KCNH1: variants seen among roughly 807,000 people sequenced by gnomAD.
KCNH1 encodes voltage-gated delayed rectifier potassium channel KCNH1.
In KCNH1, 27 loss-of-function variants were observed where a neutral mutation model predicts 69.2. The ratio of observed to expected loss-of-function variants is 0.39; its 90% CI spans 0.29 to 0.54. The LOEUF (loss-of-function observed/expected upper bound fraction) is 0.54. Ranked by LOEUF, KCNH1 falls within the 20% of genes least tolerant of loss-of-function variation. The probability of loss-of-function intolerance (pLI) is 0.68; values close to 1 mark genes in which losing one functional copy is unlikely to be tolerated. For synonymous variants in KCNH1, 456 were observed against 487.7 expected (o/e 0.93, Z 0.86); for missense variants, 798 against 1,261.6 (o/e 0.63, Z 5.57).
chr1:211,096,716 A>G (rs929654243), intron 3 of KCNH1, among the ~76,000 whole-genome samples: 2 of 152,204 alleles, frequency 1.3e-5, no homozygotes, highest in African/African-American at 2.4e-5. Flanking sequence ...TGTAATTTCA[A>G]TCAGTCTCAG....
At chr1:210,812,512 T>G (rs533775034) in intron 7 of KCNH1, among the ~76,000 whole-genome samples, 12 of 152,322 alleles carry the variant, frequency 7.9e-5, no homozygotes, top group African/African-American at 2.2e-4. Flanking sequence ...ACTTAATATG[T>G]CTTTTTTGCC....
At chr1:210,977,266 G>A (rs1688631284) in intron 6 of KCNH1, among the ~76,000 whole-genome samples, 1 of 152,160 alleles carries the variant, frequency 6.6e-6, no homozygotes, top group South Asian at 2.1e-4. Context: ...GACACAGGAA[G>A]GGGAACATCA....
chr1:210,963,956 T>A (rs891019149), intron 6 of KCNH1, among the ~76,000 whole-genome samples: 2 of 151,908 alleles, frequency 1.3e-5, no homozygotes, highest in Non-Finnish European at 2.9e-5. Flanking sequence ...ACAAAGATAA[T>A]CCTTGAGAAG....
intron 7 of KCNH1, chr1:210,862,246 G>T: frequency 1.8e-6 from 2 of 1,092,426 alleles, no homozygotes; most frequent in Non-Finnish European, 2.8e-6. Context: ...TGGGTCCATG[G>T]TGCCCCGCAG....
chr1:210,810,990 C>T (rs1030978329), intron 7 of KCNH1, among the ~76,000 whole-genome samples: 13 of 152,164 alleles, frequency 8.5e-5, no homozygotes, highest in African/African-American at 2.9e-4. Context: ...ATGCTACCAA[C>T]TTTAGGACTG....
At chr1:210,798,555 A>G (rs74156080) in intron 8 of KCNH1, among the ~76,000 whole-genome samples, 4,923 of 152,298 alleles carry the variant, frequency 0.032, 263 homozygotes, top group African/African-American at 0.11. Context: ...TCCAAGTATG[A>G]TAGAGAAATA....
chr1:210,763,293 A>G (rs1364313993), intron 10 of KCNH1, among the ~76,000 whole-genome samples: 2 of 152,132 alleles, frequency 1.3e-5, no homozygotes, highest in Non-Finnish European at 2.9e-5. Flanking sequence ...AGGCAGAAAC[A>G]TTCGCCCTAA....
At chr1:210,928,420 A>T (rs1317469687) in intron 6 of KCNH1, among the ~76,000 whole-genome samples, 1 of 152,212 alleles carries the variant, frequency 6.6e-6, no homozygotes. Flanking sequence ...GGAACCCTCA[A>T]AACAATCCAA....
At chr1:210,808,162 C>T (rs903083355) in intron 7 of KCNH1, among the ~76,000 whole-genome samples, 4 of 152,210 alleles carry the variant, frequency 2.6e-5, no homozygotes, top group Non-Finnish European at 5.9e-5. Flanking sequence ...TCTAACTCAA[C>T]AAGCCTATGT....
At chr1:210,886,729 C>T (rs1298142013) in intron 7 of KCNH1, among the ~76,000 whole-genome samples, 1 of 151,846 alleles carries the variant, frequency 6.6e-6, no homozygotes, top group African/African-American at 2.4e-5. Flanking sequence ...GAAAAACACA[C>T]CACGAGAACT....
intron 6 of KCNH1, among the ~76,000 whole-genome samples, chr1:210,935,495 G>A (rs2102581476): frequency 6.6e-6 from 1 of 152,246 alleles, no homozygotes; most frequent in South Asian, 2.1e-4. Flanking sequence ...TTTTTAAATA[G>A]CTAAAAGAGT....
chr1:210,730,289 T>G (rs1682712391), intron 10 of KCNH1, among the ~76,000 whole-genome samples: 1 of 152,180 alleles, frequency 6.6e-6, no homozygotes, highest in Non-Finnish European at 1.5e-5. Flanking sequence ...AATTCCCTTC[T>G]TTCTAAAAGG....
intron 7 of KCNH1, among the ~76,000 whole-genome samples, chr1:210,871,902 T>C (rs1243717228): frequency 2.9e-5 from 2 of 70,076 alleles, no homozygotes; most frequent in Non-Finnish European, 5.0e-5. Context: ...GGGACTGTTG[T>C]GGGGTGGGGG....
chr1:210,859,061 TCCATCTAC>T, intron 7 of KCNH1: 2 of 685,458 alleles, frequency 2.9e-6, no homozygotes, highest in South Asian at 3.4e-5. Context: ...TTTTTTTCTG[TCCATCTAC>T]TGATCATTAG....
chr1:210,990,452 C>T (rs904146175), intron 6 of KCNH1, among the ~76,000 whole-genome samples: 1 of 152,092 alleles, frequency 6.6e-6, no homozygotes, highest in African/African-American at 2.4e-5. Flanking sequence ...TAGCAGGGTG[C>T]CCAAAGGTCA....
intron 6 of KCNH1, among the ~76,000 whole-genome samples, chr1:210,977,170 C>A (rs1688628365): frequency 1.3e-5 from 2 of 152,174 alleles, no homozygotes; most frequent in African/African-American, 4.8e-5. Flanking sequence ...CAGAAACCAT[C>A]ATTCTCAGCA....
chr1:210,898,678 C>A (rs866056062), intron 7 of KCNH1, among the ~76,000 whole-genome samples: 1 of 135,840 alleles, frequency 7.4e-6, no homozygotes, highest in Non-Finnish European at 1.6e-5. Context: ...GCAGGCGTGG[C>A]GGCGGGGGGG....
intron 10 of KCNH1, among the ~76,000 whole-genome samples, chr1:210,709,864 G>A (rs570575575): frequency 5.9e-5 from 9 of 152,270 alleles, no homozygotes; most frequent in South Asian, 4.2e-4. Context: ...CGTCTGTACC[G>A]TTGAGTCTTG....
At chr1:210,735,255 G>A (rs180945866) in intron 10 of KCNH1, among the ~76,000 whole-genome samples, 27 of 152,190 alleles carry the variant, frequency 1.8e-4, no homozygotes, top group Middle Eastern at 3.4e-3. Flanking sequence ...TAGACCTAGC[G>A]TACACCCCAG....
Sources: gnomAD v4.1 joint callset for allele counts (sites outside exome capture counted in the v4.1 genomes callset) on GRCh38, gnomAD v4.1.1 for gene constraint, MANE v1.5 for transcripts, NCBI Gene and HGNC (gene_info 2026-07-23, HGNC 2026-07-21) for gene names.